CEBPZ: variants seen among roughly 807,000 people sequenced by gnomAD.
CEBPZ encodes CCAAT/enhancer-binding protein zeta.
A neutral mutation model predicts 104.5 loss-of-function variants in CEBPZ; 78 were observed. The ratio of observed to expected loss-of-function variants is 0.75; its 90% confidence interval spans 0.62 to 0.90. The LOEUF is 0.90. Ranked by LOEUF, CEBPZ falls within the 40% of genes least tolerant of loss-of-function variation. CEBPZ has a pLI of 0.00. For missense variants in CEBPZ, 1,439 were observed against 1,233.5 expected, an observed-to-expected ratio of 1.17 and a Z score of -2.50; for synonymous variants, 470 against 427.0, an observed-to-expected ratio of 1.10 and a Z score of -1.24.
chr2:37,214,396 C>G (rs1041325831), intron 9 of CEBPZ, among the ~76,000 whole-genome samples: 21 of 152,190 alleles, frequency 1.4e-4, no homozygotes, highest in African/African-American at 5.1e-4. Flanking sequence ...TATAACAGTG[C>G]ACTGAATCCA....
chr2:37,223,789 T>C (rs1170151841), intron 2 of CEBPZ, among the ~76,000 whole-genome samples: 2 of 152,204 alleles, frequency 1.3e-5, no homozygotes, highest in Non-Finnish European at 2.9e-5. Context: ...ATTTGGGTTT[T>C]TGTCCTTGTA....
At chr2:37,219,968 C>G (rs1664728800) in intron 5 of CEBPZ, among the ~76,000 whole-genome samples, 1 of 152,068 alleles carries the variant, frequency 6.6e-6, no homozygotes, top group African/African-American at 2.4e-5. Flanking sequence ...TTTATTAATG[C>G]TTATAATTAT....
Position 37,213,934 on chromosome 2 carries a change from C to T in CEBPZ, c.2475G>A (p.Glu825=). ...HRYYKKVAVK[E]KQKRDADEES... is the part of the protein sequence containing the mutation. ...CTTCATCTGCATCCCGTTTTTGTTT[C>T]TCTTTAACAGCAACTTTTTTATAAT... Residue 825 remains glutamate, a synonymous_variant, in exon 10 of 16, where the codon GAG becomes GAA. Coordinates refer to ENST00000234170, the MANE Select transcript of CEBPZ (RefSeq NM_005760.3). The T allele has an allele frequency of 6.3e-7, 1 of 1,583,594 alleles. No individual in the cohort carries two copies. The highest frequency in any genetic ancestry group is 1.4e-5 in the African/African-American group (1 of 72,810).
intron 2 of CEBPZ, among the ~76,000 whole-genome samples, chr2:37,227,341 G>A (rs1453732192): frequency 6.6e-6 from 1 of 152,168 alleles, no homozygotes; most frequent in East Asian, 1.9e-4. Context: ...AATGAAAAAT[G>A]TATTCAAAGC....
At chr2:37,231,344 G>A in intron 1 of CEBPZ, 68 bp downstream of exon 1, 12 of 1,594,336 alleles carry the variant, frequency 7.5e-6, no homozygotes, top group Non-Finnish European at 1.0e-5. Flanking sequence ...AAGCGGCGGG[G>A]CAGTCAGCCT....
At chr2:37,229,572 T>G (rs974962557) in intron 1 of CEBPZ, among the ~76,000 whole-genome samples, 4 of 152,068 alleles carry the variant, frequency 2.6e-5, no homozygotes, top group Non-Finnish European at 5.9e-5. Context: ...GGGGAAGGGG[T>G]GGCGGAAACG....
chr2:37,220,716 T>G (rs1359764857), intron 4 of CEBPZ, among the ~76,000 whole-genome samples: 1 of 152,172 alleles, frequency 6.6e-6, no homozygotes, highest in Non-Finnish European at 1.5e-5. Flanking sequence ...CAAGGCCAGG[T>G]GCAGTGGCTC....
chr2:37,229,613 A>G (rs1664983970), intron 1 of CEBPZ, among the ~76,000 whole-genome samples: 1 of 152,210 alleles, frequency 6.6e-6, no homozygotes, highest in Non-Finnish European at 1.5e-5. Context: ...TGTGAGTGTA[A>G]ACTGACACAA....
intron 2 of CEBPZ, among the ~76,000 whole-genome samples, chr2:37,226,421 A>G (rs1664889294): frequency 6.6e-6 from 1 of 152,250 alleles, no homozygotes; most frequent in Non-Finnish European, 1.5e-5. Context: ...TAGAAAGATT[A>G]CATGGGTTAA....
Position 37,228,871 on chromosome 2 carries a change from C to G in CEBPZ, c.322G>C (p.Ala108Pro). 6.3e-7 allele frequency: 1 copy of G among 1,598,880 alleles called. No homozygotes were observed. The highest frequency in any genetic ancestry group is 8.5e-7 in the Non-Finnish European group (1 of 1,176,172). ...TTTTTGCTGGAATTTTCTTTTTCAG[C>G]TGGTTCATCTTCTTCAACTAAGGAA... Reference protein sequence around the residue: ...KASLVEEDEPAEKENSSKKEV... With the variant: ...KASLVEEDEPPEKENSSKKEV... The change falls in exon 2 of 16, where the codon GCT becomes CCT. Residue 108 changes from alanine to proline, a missense_variant. Ala to Pro is a conservative substitution (Grantham distance 27). Coordinates refer to ENST00000234170, the MANE Select transcript of CEBPZ (RefSeq NM_005760.3).
chr2:37,206,959 G>A (rs1049858403), intron 13 of CEBPZ, among the ~76,000 whole-genome samples: 1 of 152,126 alleles, frequency 6.6e-6, no homozygotes, highest in South Asian at 2.1e-4. Context: ...GGTGGGAAAA[G>A]ATATTCCATG....
At chr2:37,209,033 C>A (rs1220027974) in intron 13 of CEBPZ, 1 of 117,410 alleles carries the variant, frequency 8.5e-6, no homozygotes, top group Non-Finnish European at 1.7e-5. Context: ...CTCTACCCCC[C>A]TTACAACACC....
chr2:37,220,024 A>T lies in CEBPZ; in HGVS notation c.2154+361T>A, dbSNP rs538366344. 3.3e-5 allele frequency among the ~76,000 whole-genome samples: 5 copies of T among 152,268 alleles called. No individual in the cohort carries two copies. In the East Asian group the frequency reaches 9.6e-4, roughly 29 times the overall value. On this transcript the variant is annotated intron_variant, in intron 5 of 15. Transcript: ENST00000234170. Reference sequence around the variant, plus strand: ...AAGGCATTACATCCTCAAGGGCAAAAATATACAGCATAGGCCGGGCGCAGT... The same window carrying T: ...AAGGCATTACATCCTCAAGGGCAAATATATACAGCATAGGCCGGGCGCAGT...
rs1481187892 is a variant in CEBPZ at position 37,202,964 on chromosome 2, C to G, written c.2929G>C (p.Val977Leu). The G allele has an allele frequency of 6.4e-7, 1 of 1,571,570 alleles. No homozygotes were observed. The highest frequency in any genetic ancestry group is 8.6e-7 in the Non-Finnish European group (1 of 1,161,580). The change falls in exon 14 of 16, where the codon GTA (valine) becomes CTA (leucine). Residue 977 changes from valine to leucine, a missense_variant. Transcript: ENST00000234170. ...ATTAGCCTTACCTCTTCAGCAGATACAAATAGGCTGGAATCATTTAAGTTT... is the reference window on the plus strand; with the variant it reads ...ATTAGCCTTACCTCTTCAGCAGATAGAAATAGGCTGGAATCATTTAAGTTT... ...KRNLNDSSLF[V>L]SAEEFGHLLD...
chr2:37,205,288 T>G (rs1677498216), intron 13 of CEBPZ, among the ~76,000 whole-genome samples: 1 of 152,210 alleles, frequency 6.6e-6, no homozygotes, highest in Non-Finnish European at 1.5e-5. Flanking sequence ...CACATCCAGA[T>G]GGTCGGTTCC....
intron 2 of CEBPZ, among the ~76,000 whole-genome samples, chr2:37,227,340 T>C (rs943125927): frequency 6.6e-6 from 1 of 152,176 alleles, no homozygotes; most frequent in Non-Finnish European, 1.5e-5. Context: ...AAATGAAAAA[T>C]GTATTCAAAG....
Position 37,222,572 on chromosome 2 carries a change from A to G in CEBPZ, c.1882-9T>C. 6.4e-7 allele frequency: 1 copy of G among 1,560,778 alleles called. No homozygotes were observed. Among genetic ancestry groups the G allele is most frequent in the Non-Finnish European group, 8.7e-7 (1 of 1,156,034 alleles). On this transcript the variant is annotated splice_polypyrimidine_tract_variant and intron_variant, in intron 3 of 15. Transcript: ENST00000234170. ...TCTTCATCATCAGACTCCTAACAAA[A>G]GTATAGTTTCATAAATCTACATAAA...
chr2:37,224,714 GATAA>G (rs1287428375), intron 2 of CEBPZ, among the ~76,000 whole-genome samples: 1 of 152,050 alleles, frequency 6.6e-6, no homozygotes. Context: ...CTAATGTTTT[GATAA>G]ATATTTTTGT....
At chr2:37,218,015 C>A (rs1664676651) in intron 5 of CEBPZ, among the ~76,000 whole-genome samples, 1 of 151,736 alleles carries the variant, frequency 6.6e-6, no homozygotes, top group Admixed American at 6.6e-5. Context: ...TGCCTGTAAT[C>A]CCAGCATTTT....
Sources: allele counts gnomAD v4.1 joint callset (sites outside exome capture counted in the v4.1 genomes callset), GRCh38; gene constraint gnomAD v4.1.1; transcripts MANE v1.5; gene names NCBI Gene and HGNC (gene_info 2026-07-23, HGNC 2026-07-21).